Variants in RAVER2 observed in about 807,000 individuals in gnomAD.
RAVER2 encodes the protein ribonucleoprotein PTB-binding 2.
A neutral mutation model predicts 78.1 loss-of-function variants in RAVER2; 46 were observed. The ratio of observed to expected loss-of-function variants is 0.59; its 90% confidence interval spans 0.46 to 0.75. The LOEUF is 0.75. Ranked by LOEUF, RAVER2 falls within the 30% of genes least tolerant of loss-of-function variation. RAVER2 has a pLI of 0.00. For synonymous variants in RAVER2, 311 were observed against 313.3 expected (o/e 0.99, Z 0.08); for missense variants, 793 against 837.5 (o/e 0.95, Z 0.66).
At chr1:64,752,064 G>C (rs948969855) in intron 1 of RAVER2, among the ~76,000 whole-genome samples, 1 of 152,140 alleles carries the variant, frequency 6.6e-6, no homozygotes, top group African/African-American at 2.4e-5. Context: ...ATGATTATGG[G>C]CAGGATAGCC....
chr1:64,813,870 CACACGTTTT>C (rs1461631845), intron 10 of RAVER2, among the ~76,000 whole-genome samples: 1 of 120,684 alleles, frequency 8.3e-6, no homozygotes, highest in Non-Finnish European at 1.7e-5. Flanking sequence ...CACACACACA[CACACGTTTT>C]GTTTTGGGTT....
At chr1:64,814,311 T>C (rs1653701862) in intron 10 of RAVER2, among the ~76,000 whole-genome samples, 1 of 152,072 alleles carries the variant, frequency 6.6e-6, no homozygotes, top group African/African-American at 2.4e-5. Context: ...CCATGTCACC[T>C]AAGCCAATCT....
chr1:64,806,012 T>C (rs1203019550), intron 8 of RAVER2, among the ~76,000 whole-genome samples: 1 of 152,328 alleles, frequency 6.6e-6, no homozygotes, highest in South Asian at 2.1e-4. Flanking sequence ...TCCAAATAAC[T>C]ATATTCTAAA....
chr1:64,782,362 A>G (rs1296363136), intron 4 of RAVER2, among the ~76,000 whole-genome samples: 1 of 152,194 alleles, frequency 6.6e-6, no homozygotes, highest in African/African-American at 2.4e-5. Flanking sequence ...CCTTCTTCAC[A>G]GTTTTTACCC....
chr1:64,747,542 C>T (rs1040171864), intron 1 of RAVER2, among the ~76,000 whole-genome samples: 5 of 150,404 alleles, frequency 3.3e-5, no homozygotes, highest in Non-Finnish European at 7.4e-5. Flanking sequence ...GACAGAGTCT[C>T]GCTCTGTCAT....
At chr1:64,800,515 G>A (rs778706040) in intron 5 of RAVER2, among the ~76,000 whole-genome samples, 3 of 152,056 alleles carry the variant, frequency 2.0e-5, no homozygotes, top group Non-Finnish European at 4.4e-5. Flanking sequence ...TGAATATTCC[G>A]TTTTCCCAGC....
intron 1 of RAVER2, among the ~76,000 whole-genome samples, chr1:64,748,648 A>AT (rs919260500): frequency 2.0e-5 from 3 of 151,856 alleles, no homozygotes; most frequent in African/African-American, 7.3e-5. Context: ...TTAACTCCCA[A>AT]TTTTTTTTCA....
intron 1 of RAVER2, among the ~76,000 whole-genome samples, chr1:64,755,734 T>G (rs1042167424): frequency 4.9e-5 from 7 of 142,236 alleles, no homozygotes; most frequent in South Asian, 2.4e-4. Context: ...GTTTTTTTTT[T>G]TTTTTTTTTT....
chr1:64,755,818 C>T (rs2100806955), intron 1 of RAVER2, among the ~76,000 whole-genome samples: 1 of 125,710 alleles, frequency 8.0e-6, no homozygotes, highest in South Asian at 2.6e-4. Context: ...GGAAGTTTTA[C>T]ACTTTGAAAT....
intron 9 of RAVER2, 120 bp from the exon 10 acceptor site, chr1:64,812,618 A>AC: frequency 1.7e-6 from 1 of 576,178 alleles, no homozygotes; most frequent in Non-Finnish European, 2.9e-6. Context: ...ATTTTAGTGA[A>AC]CATCCATAAA....
At chr1:64,808,345 A>G (rs1200932062) in intron 9 of RAVER2, among the ~76,000 whole-genome samples, 1 of 152,112 alleles carries the variant, frequency 6.6e-6, no homozygotes, top group Non-Finnish European at 1.5e-5. Context: ...CTTGTATTCA[A>G]GTGTCAAAAT....
At chr1:64,751,834 G>A (rs1031865541) in intron 1 of RAVER2, among the ~76,000 whole-genome samples, 1 of 151,656 alleles carries the variant, frequency 6.6e-6, no homozygotes. Flanking sequence ...GCTAAAACAG[G>A]CAAACCAAGG....
In RAVER2 at chr1:64,795,253, C is replaced by G. The variant is rs374358154; in HGVS notation, c.1105+5739C>G. 4.6e-5 allele frequency among the ~76,000 whole-genome samples: 7 copies of G among 152,096 alleles called. No homozygotes were observed. The East Asian group carries it at 9.7e-4, about 21-fold the overall frequency. On this transcript the variant is annotated intron_variant, in intron 5 of 11. Coordinates refer to ENST00000294428, the Ensembl canonical transcript of RAVER2. The stretch of plus-strand genomic sequence containing the variant: ...ATCCTGAAATCAGTTAGTGTAAGTC[C>G]TTCAACTTTATTCTTCTTTTTCAAA...
intron 5 of RAVER2, among the ~76,000 whole-genome samples, chr1:64,802,213 A>G (rs1653286765): frequency 1.3e-5 from 2 of 152,184 alleles, no homozygotes; most frequent in South Asian, 4.1e-4. Context: ...TTTATTAGCA[A>G]GGGCTTTATA....
At chr1:64,823,409 T>G (rs1463901634) in intron 11 of RAVER2, among the ~76,000 whole-genome samples, 2 of 152,208 alleles carry the variant, frequency 1.3e-5, no homozygotes, top group African/African-American at 2.4e-5. Context: ...GAACTATGAT[T>G]GGGAAAACTT....
intron 1 of RAVER2, among the ~76,000 whole-genome samples, chr1:64,748,237 T>G (rs1299768520): frequency 6.6e-6 from 1 of 152,264 alleles, no homozygotes; most frequent in Non-Finnish European, 1.5e-5. Context: ...CTGGTCTGCC[T>G]AAGCTTTCTG....
intron 11 of RAVER2, among the ~76,000 whole-genome samples, chr1:64,818,271 T>C (rs1400987708): frequency 6.6e-6 from 1 of 152,178 alleles, no homozygotes; most frequent in Non-Finnish European, 1.5e-5. Flanking sequence ...GCGCGGTGGC[T>C]CACACCTGTA....
In RAVER2 at chr1:64,745,792, AG is replaced by A. The variant is rs925444449; in HGVS notation, c.249+376del. ...ATTTTGCGGGGGGGAGCGGGGGTAGAGGGGGCCGAAGCTTCGGGAGCACCTT... is the reference window on the plus strand; with the variant it reads ...ATTTTGCGGGGGGGAGCGGGGGTAGAGGGGCCGAAGCTTCGGGAGCACCTT... On this transcript the variant is annotated intron_variant, in intron 1 of 11. Transcript: ENST00000294428. The surrounding 1 kb of genome is among the most constrained non-coding windows in gnomAD (Gnocchi z 4.3). Among the ~76,000 whole-genome samples, 4 of 140,582 alleles carry A rather than the reference AG, an allele frequency of 2.8e-5. No homozygotes were observed. The highest frequency in any genetic ancestry group is 1.1e-4 in the African/African-American group (4 of 37,318). The allele number at this position is 140,582 out of a possible 152,430, so 92.2% of individuals were successfully genotyped here. A position where few individuals can be genotyped will look rare whatever the true frequency, so the allele number is the denominator to read the frequency against.
chr1:64,815,031 T>A, intron 11 of RAVER2, 191 bp downstream of exon 11: 1 of 412,064 alleles, frequency 2.4e-6, no homozygotes, highest in Non-Finnish European at 3.9e-6. Context: ...CATTTTGCAC[T>A]AGATATTTAC....
Sources: allele counts gnomAD v4.1 joint callset (sites outside exome capture counted in the v4.1 genomes callset), GRCh38; gene constraint gnomAD v4.1.1; non-coding constraint Gnocchi (gnomAD v3.1); transcripts MANE v1.5; gene names NCBI Gene and HGNC (gene_info 2026-07-23, HGNC 2026-07-21).